The following EXT2 variants were observed in gnomAD, a reference collection of about 807,000 sequenced individuals.
The protein encoded by EXT2 is exostosin glycosyltransferase 2, also known as exostosin-2.
In EXT2, 53 loss-of-function variants were observed where a neutral mutation model predicts 81.6. The observed-to-expected ratio is 0.65, with a 90% CI of 0.52 to 0.82. The LOEUF is 0.82. EXT2 is among the 40% of genes least tolerant of loss of function. The probability of loss-of-function intolerance (pLI) is 0.00; values close to 1 mark genes in which losing one functional copy is unlikely to be tolerated. For missense variants in EXT2, 774 were observed against 910.2 expected (o/e 0.85, Z 1.93); for synonymous variants, 320 against 340.0 (o/e 0.94, Z 0.65).
At chr11:44,196,064 T>G (rs1955452037) in intron 8 of EXT2, among the ~76,000 whole-genome samples, 1 of 152,164 alleles carries the variant, frequency 6.6e-6, no homozygotes, top group South Asian at 2.1e-4. Context: ...AGTGCAAAAA[T>G]ATTTTTGCTT....
chr11:44,204,626 TGAGTTCC>T, intron 9 of EXT2, among the ~76,000 whole-genome samples: 2 of 152,214 alleles, frequency 1.3e-5, no homozygotes, highest in Non-Finnish European at 2.9e-5. Context: ...GGGTACCACC[TGAGTTCC>T]GCCTCCTATC....
intron 13 of EXT2, among the ~76,000 whole-genome samples, chr11:44,241,056 C>A (rs967433256): frequency 6.6e-6 from 1 of 152,092 alleles, no homozygotes; most frequent in Admixed American, 6.5e-5. Flanking sequence ...TGTGTGTGAC[C>A]TTGTGTTGGG....
intron 7 of EXT2, among the ~76,000 whole-genome samples, chr11:44,137,864 T>G (rs1011015158): frequency 1.3e-5 from 2 of 152,134 alleles, no homozygotes; most frequent in African/African-American, 4.8e-5. Flanking sequence ...TTGAGGGAGA[T>G]TTTAAAAAGG....
chr11:44,159,159 T>C (rs1322682080), intron 7 of EXT2, among the ~76,000 whole-genome samples: 2 of 151,588 alleles, frequency 1.3e-5, no homozygotes, highest in Non-Finnish European at 2.9e-5. Context: ...TTTATTGTTC[T>C]CTGAGCTTCC....
intron 9 of EXT2, among the ~76,000 whole-genome samples, chr11:44,202,513 C>A (rs530255746): frequency 6.6e-6 from 1 of 152,300 alleles, no homozygotes; most frequent in African/African-American, 2.4e-5. Context: ...TGGCAGGGAT[C>A]TTGCTTCTCT....
chr11:44,129,778 G>A (rs1406426821), intron 6 of EXT2, among the ~76,000 whole-genome samples: 1 of 152,242 alleles, frequency 6.6e-6, no homozygotes, highest in Non-Finnish European at 1.5e-5. Context: ...TACCAGTGTG[G>A]CTAGAGCACA....
rs534989930 is a variant in EXT2, at chr11:44,251,956, A to G, written c.*7669A>G. ...CAAATGTCAATAAATGCTGTGAAGA[A>G]AATAAAGCAGAGTATTATATGTGGA... On this transcript the variant is annotated 3_prime_UTR_variant, in exon 14 of 14. Transcript: ENST00000533608. 1.3e-4 allele frequency among the ~76,000 whole-genome samples: 20 copies of G among 152,364 alleles called. No homozygotes were observed. Among genetic ancestry groups the G allele is most frequent in the African/African-American group, 4.6e-4 (19 of 41,592 alleles).
intron 1 of EXT2, among the ~76,000 whole-genome samples, chr11:44,106,512 T>G (rs1278057778): frequency 6.6e-6 from 1 of 152,246 alleles, no homozygotes; most frequent in Non-Finnish European, 1.5e-5. Flanking sequence ...ACATTCTGCC[T>G]TTTGTTATAG....
At chr11:44,171,885 A>C in intron 8 of EXT2, 143 bp downstream of exon 8, 2 of 1,259,338 alleles carry the variant, frequency 1.6e-6, no homozygotes, top group Non-Finnish European at 2.3e-6. Flanking sequence ...GGGGCCTGAT[A>C]AGGGCAGCAT....
chr11:44,204,616 G>GGGTA (rs1232597785), intron 9 of EXT2, among the ~76,000 whole-genome samples: 2 of 152,186 alleles, frequency 1.3e-5, no homozygotes, highest in Non-Finnish European at 2.9e-5. Flanking sequence ...GGTGAGTGGT[G>GGGTA]GGTACCACCT....
At position 44,205,425 on chromosome 11, in the gene EXT2, A is replaced by G. The variant is rs372036948; in HGVS notation, c.1496-1368A>G. On this transcript the variant is annotated intron_variant, in intron 9 of 13. Transcript: ENST00000533608. ...GCCAAGAATGAAACTATAACTGTTG[A>G]TATTGATGAAAAGGCAGTGGCCTAT... is the stretch of plus-strand genomic sequence containing the variant. Among the ~76,000 whole-genome samples, 23 of 152,272 alleles carry G rather than the reference A, an allele frequency of 1.5e-4. No individual in the cohort carries two copies. In the East Asian group the frequency reaches 4.2e-3, roughly 28 times the overall value.
At chr11:44,116,156 A>G (rs931828787) in intron 4 of EXT2, 1 of 152,170 alleles carries the variant, frequency 6.6e-6, no homozygotes, top group African/African-American at 2.4e-5. Context: ...AAATAAACCT[A>G]ATATCCAATA....
At chr11:44,149,907 G>A (rs1416657646) in intron 7 of EXT2, among the ~76,000 whole-genome samples, 1 of 152,164 alleles carries the variant, frequency 6.6e-6, no homozygotes, top group Admixed American at 6.5e-5. Context: ...AGTTTTGGAT[G>A]TAATAATAGA....
chr11:44,191,208 G>C (rs1292090480), intron 8 of EXT2, among the ~76,000 whole-genome samples: 1 of 152,348 alleles, frequency 6.6e-6, no homozygotes, highest in East Asian at 1.9e-4. Flanking sequence ...TTAACAATGT[G>C]AGATTTCTTA....
intron 4 of EXT2, among the ~76,000 whole-genome samples, chr11:44,115,116 C>A (rs115866816): frequency 1.3e-5 from 2 of 152,268 alleles, no homozygotes; most frequent in African/African-American, 4.8e-5. Context: ...TGATGCCCAT[C>A]GCTGCACACA....
intron 8 of EXT2, among the ~76,000 whole-genome samples, chr11:44,176,734 T>A (rs1955163371): frequency 6.6e-6 from 1 of 152,146 alleles, no homozygotes; most frequent in South Asian, 2.1e-4. Context: ...TCCATCAAAT[T>A]TATGATGTCT....
chr11:44,172,029 C>A, intron 8 of EXT2: 1 of 457,252 alleles, frequency 2.2e-6, no homozygotes, highest in Non-Finnish European at 4.0e-6. Flanking sequence ...TCAAAGACAT[C>A]CCGGTGACTT....
chr11:44,224,676 G>C (rs542239317), intron 10 of EXT2, among the ~76,000 whole-genome samples: 1 of 152,140 alleles, frequency 6.6e-6, no homozygotes, highest in Non-Finnish European at 1.5e-5. Flanking sequence ...CAGAATTACT[G>C]AGTTTGTGGT....
At chr11:44,172,170 T>C (rs1955084466) in intron 8 of EXT2, among the ~76,000 whole-genome samples, 1 of 152,228 alleles carries the variant, frequency 6.6e-6, no homozygotes, top group African/African-American at 2.4e-5. Flanking sequence ...AATTAATATT[T>C]CCAACACTCT....
Sources: allele counts gnomAD v4.1 joint callset (sites outside exome capture counted in the v4.1 genomes callset), GRCh38; gene constraint gnomAD v4.1.1; transcripts MANE v1.5; gene names NCBI Gene and HGNC (gene_info 2026-07-23, HGNC 2026-07-21).